Variants in SLC36A1 observed in about 807,000 individuals in gnomAD.
SLC36A1 encodes the protein solute carrier family 36 member 1.
In SLC36A1, 30 loss-of-function variants were observed where a neutral mutation model predicts 47.5. The ratio of observed to expected loss-of-function variants is 0.63; its 90% CI spans 0.47 to 0.86. The LOEUF (loss-of-function observed/expected upper bound fraction) is 0.86. Among genes scored for constraint, SLC36A1 ranks in the 40% least tolerant of loss-of-function variants. The pLI is 0.00. For synonymous variants in SLC36A1, 255 were observed against 249.7 expected (o/e 1.02, Z -0.20); for missense variants, 517 against 606.0 (o/e 0.85, Z 1.54).
At chr5:151,412,125 T>G in the SLC36A1 span, among the ~76,000 whole-genome samples, 1 of 145,092 alleles carries the variant, frequency 6.9e-6, no homozygotes, top group Admixed American at 6.8e-5. Flanking sequence ...CTTGTTCTCT[T>G]TCCAAACTGT....
chr5:151,390,343 C>T, the SLC36A1 span, among the ~76,000 whole-genome samples: 64,000 of 151,880 alleles, frequency 0.42, 13,806 homozygotes, highest in African/African-American at 0.52. Flanking sequence ...AATTTTTCTC[C>T]CATTCTGTAG....
chr5:151,512,015 T>C, the SLC36A1 span: 3 of 665,516 alleles, frequency 4.5e-6, no homozygotes, highest in South Asian at 3.9e-5. The surrounding 1 kb of genome is among the most constrained non-coding windows in gnomAD (Gnocchi z 4.1). Context: ...AGTCTAGATA[T>C]TGCAGATTCC....
chr5:151,472,927 G>A (rs1055647206), intron 7 of SLC36A1, among the ~76,000 whole-genome samples: 2 of 152,164 alleles, frequency 1.3e-5, no homozygotes, highest in Non-Finnish European at 2.9e-5. Flanking sequence ...CAGCACCTTG[G>A]GAGGCCGAGG....
chr5:151,354,564 A>G, the SLC36A1 span, among the ~76,000 whole-genome samples: 475 of 152,268 alleles, frequency 3.1e-3, 2 homozygotes, highest in African/African-American at 0.011. Flanking sequence ...TCCTCATTTT[A>G]TAGATGGGGA....
chr5:151,507,232 TG>T, the SLC36A1 span: 1 of 1,613,790 alleles, frequency 6.2e-7, no homozygotes, highest in South Asian at 1.1e-5. Flanking sequence ...GGCGGGAGTC[TG>T]GGGGGCACAC....
chr5:151,518,966 A>G, the SLC36A1 span, among the ~76,000 whole-genome samples: 1 of 152,204 alleles, frequency 6.6e-6, no homozygotes, highest in East Asian at 1.9e-4. Flanking sequence ...TACCTAGCAA[A>G]GAGGAATTGT....
At chr5:151,365,920 C>T in the SLC36A1 span, among the ~76,000 whole-genome samples, 6 of 152,160 alleles carry the variant, frequency 3.9e-5, no homozygotes, top group Non-Finnish European at 5.9e-5. Flanking sequence ...CTGGATCACA[C>T]ATCAATATTT....
At chr5:151,513,557 C>T in the SLC36A1 span, among the ~76,000 whole-genome samples, 9 of 152,136 alleles carry the variant, frequency 5.9e-5, no homozygotes, top group South Asian at 1.2e-3. Context: ...TACACAGGGA[C>T]GCAAAGAAGG....
chr5:151,524,651 C>A, the SLC36A1 span, among the ~76,000 whole-genome samples: 76 of 152,208 alleles, frequency 5.0e-4, no homozygotes, highest in African/African-American at 1.6e-3. Flanking sequence ...ACAGTTTGGA[C>A]CTCAGATAAT....
At chr5:151,388,671 A>G in the SLC36A1 span, among the ~76,000 whole-genome samples, 1 of 109,700 alleles carries the variant, frequency 9.1e-6, no homozygotes, top group African/African-American at 5.5e-5. Context: ...ATCTCTTCAA[A>G]TATTTTACAG....
upstream of SLC36A1, among the ~76,000 whole-genome samples, chr5:151,432,364 C>T (rs1304555773): frequency 1.3e-5 from 2 of 152,096 alleles, no homozygotes; most frequent in African/African-American, 4.8e-5. Flanking sequence ...TTGCATTGCA[C>T]TGTCTTCCCC....
the SLC36A1 span, chr5:151,510,234 G>T: frequency 6.4e-7 from 1 of 1,570,188 alleles, no homozygotes; most frequent in Admixed American, 1.7e-5. Flanking sequence ...AGGAGACCTG[G>T]CATTGGCAGA....
the SLC36A1 span, among the ~76,000 whole-genome samples, chr5:151,502,372 G>A: frequency 1.4e-3 from 201 of 148,030 alleles, 10 homozygotes; most frequent in East Asian, 0.026. Flanking sequence ...ACAAGGCACA[G>A]ACTGAGAAAA....
chr5:151,462,579 A>G lies in SLC36A1; in HGVS notation c.144-974A>G, dbSNP rs941963284. ...GGGGTTTCACCATGTTGGCCAGGAT[A>G]GTCTCAATCTCTTGACCTCATGATC... is the stretch of plus-strand genomic sequence containing the variant. On this transcript the variant is annotated intron_variant, in intron 2 of 10. Transcript: ENST00000243389. 5.3e-5 allele frequency among the ~76,000 whole-genome samples: 8 copies of G among 151,522 alleles called. No individual in the cohort carries two copies. In the South Asian group the frequency reaches 1.3e-3, roughly 24 times the overall value.
intron 8 of SLC36A1, among the ~76,000 whole-genome samples, chr5:151,474,415 A>G (rs951951217): frequency 2.6e-5 from 4 of 152,100 alleles, no homozygotes; most frequent in African/African-American, 9.7e-5. Flanking sequence ...GCTCTGCCAT[A>G]GAGTAGCTGT....
the SLC36A1 span, among the ~76,000 whole-genome samples, chr5:151,548,974 T>A: frequency 6.6e-6 from 1 of 152,230 alleles, no homozygotes; most frequent in Non-Finnish European, 1.5e-5. Flanking sequence ...CTAAGATACA[T>A]GCATGAAGTT....
At chr5:151,405,524 C>T in the SLC36A1 span, among the ~76,000 whole-genome samples, 3 of 151,882 alleles carry the variant, frequency 2.0e-5, no homozygotes, top group South Asian at 6.2e-4. Flanking sequence ...CCTCTTGAAT[C>T]TCATTCAGCT....
At chr5:151,541,911 AT>A in the SLC36A1 span, among the ~76,000 whole-genome samples, 3,693 of 152,356 alleles carry the variant, frequency 0.024, 101 homozygotes, top group African/African-American at 0.062. Context: ...GACACTCTCC[AT>A]AAAGACAGTC....
At chr5:151,543,698 A>G in the SLC36A1 span, 4 of 1,614,124 alleles carry the variant, frequency 2.5e-6, no homozygotes, top group South Asian at 3.3e-5. Flanking sequence ...TCTGGGCTGT[A>G]CTTGTTGGCA....
Sources: gnomAD v4.1 joint callset for allele counts (sites outside exome capture counted in the v4.1 genomes callset) on GRCh38, gnomAD v4.1.1 for gene constraint, Gnocchi (gnomAD v3.1) non-coding constraint, MANE v1.5 for transcripts, NCBI Gene and HGNC (gene_info 2026-07-23, HGNC 2026-07-21) for gene names.